CELF4: variants seen among roughly 807,000 people sequenced by gnomAD.
CELF4 encodes CUG-BP- and ETR-3-like factor 4.
Under a neutral mutation model 59.9 loss-of-function variants are expected in CELF4, and 18 were observed. The ratio of observed to expected loss-of-function variants is 0.30; its 90% CI spans 0.21 to 0.45. The LOEUF is 0.45. Among genes scored for constraint, CELF4 ranks in the 20% least tolerant of loss-of-function variants. The pLI, the probability that CELF4 is intolerant of heterozygous loss-of-function variation, is 1.00. For synonymous variants in CELF4, 261 were observed against 267.1 expected, an observed-to-expected ratio of 0.98 and a Z score of 0.22; for missense variants, 456 against 689.0, an observed-to-expected ratio of 0.66 and a Z score of 3.79.
intron 2 of CELF4, among the ~76,000 whole-genome samples, chr18:37,379,031 G>T (rs1296870696): frequency 6.6e-6 from 1 of 152,182 alleles, no homozygotes; most frequent in African/African-American, 2.4e-5. Flanking sequence ...CATGCTGCTG[G>T]CTCTTCCTCA....
chr18:37,493,957 A>G (rs1478684522), intron 1 of CELF4, among the ~76,000 whole-genome samples: 1 of 152,108 alleles, frequency 6.6e-6, no homozygotes, highest in Admixed American at 6.5e-5. Context: ...TGCCCTTTGT[A>G]CCCACAAGAC....
intron 2 of CELF4, among the ~76,000 whole-genome samples, chr18:37,351,730 C>G (rs1316133713): frequency 1.3e-5 from 2 of 151,692 alleles, no homozygotes; most frequent in Non-Finnish European, 2.9e-5. Context: ...CCTGCCTCAG[C>G]CTCTTGAGTA....
intron 2 of CELF4, among the ~76,000 whole-genome samples, chr18:37,448,703 G>A (rs1412483845): frequency 1.3e-5 from 2 of 152,242 alleles, no homozygotes; most frequent in African/African-American, 4.8e-5. Context: ...CCCACTGCCT[G>A]CATGGGTCTG....
intron 3 of CELF4, among the ~76,000 whole-genome samples, chr18:37,317,198 C>T (rs1212074106): frequency 2.0e-5 from 3 of 152,138 alleles, no homozygotes; most frequent in Admixed American, 6.5e-5. Flanking sequence ...ACCAGCCTGG[C>T]CAACATGGTA....
intron 3 of CELF4, among the ~76,000 whole-genome samples, chr18:37,293,949 C>T (rs1171950625): frequency 6.6e-6 from 1 of 152,186 alleles, no homozygotes; most frequent in African/African-American, 2.4e-5. Context: ...AACCAACCAA[C>T]TAGCAAACCA....
At chr18:37,387,527 C>T in intron 2 of CELF4, among the ~76,000 whole-genome samples, 1 of 152,212 alleles carries the variant, frequency 6.6e-6, no homozygotes, top group East Asian at 1.9e-4. Context: ...TCCGGCTTGC[C>T]AGTCTCCACC....
rs184584335 is a variant in CELF4 at position 37,388,039 on chromosome 18, C to T, written c.370-66158G>A. ...ATTGTCCCTGCTTTAATGCCACACT[C>T]GGTGGAAGGCAGGAGTTGGGGGAGG... On this transcript the variant is annotated intron_variant, in intron 2 of 12. Coordinates refer to ENST00000420428, the MANE Select transcript of CELF4 (RefSeq NM_020180.4). 4.1e-3 allele frequency among the ~76,000 whole-genome samples: 613 copies of T among 150,498 alleles called. 3 individuals are homozygous for T. The highest frequency in any genetic ancestry group is 0.014 in the African/African-American group (579 of 40,922).
At chr18:37,349,083 A>T (rs2098376817) in intron 2 of CELF4, among the ~76,000 whole-genome samples, 1 of 152,192 alleles carries the variant, frequency 6.6e-6, no homozygotes, top group Non-Finnish European at 1.5e-5. Context: ...GCCTGGAGAG[A>T]GCCCTGGGAA....
chr18:37,381,410 T>C (rs1002130841), intron 2 of CELF4, among the ~76,000 whole-genome samples: 3 of 152,186 alleles, frequency 2.0e-5, no homozygotes, highest in African/African-American at 7.2e-5. Context: ...CCCCTGGCTC[T>C]GAGTTCTGAA....
intron 1 of CELF4, among the ~76,000 whole-genome samples, chr18:37,500,883 C>T (rs1212867794): frequency 1.3e-5 from 2 of 152,176 alleles, no homozygotes; most frequent in African/African-American, 4.8e-5. Context: ...TGTACCCCAG[C>T]CCCACTGGGG....
chr18:37,550,209 T>C (rs2099982753), intron 1 of CELF4, among the ~76,000 whole-genome samples: 2 of 152,104 alleles, frequency 1.3e-5, no homozygotes, highest in Non-Finnish European at 2.9e-5. Flanking sequence ...TTCCTACTAT[T>C]TATGAAGCCA....
intron 2 of CELF4, among the ~76,000 whole-genome samples, chr18:37,439,432 T>C (rs1044379945): frequency 5.3e-5 from 8 of 152,184 alleles, no homozygotes; most frequent in Non-Finnish European, 8.8e-5. Context: ...TGTGTGTGCA[T>C]GTGTGCGTCT....
intron 2 of CELF4, among the ~76,000 whole-genome samples, chr18:37,394,622 A>G (rs1004011247): frequency 2.0e-5 from 3 of 152,184 alleles, no homozygotes; most frequent in Admixed American, 6.5e-5. Flanking sequence ...ATGTCTTCAT[A>G]AGGCGATGCC....
chr18:37,521,740 C>T (rs146686810), intron 1 of CELF4, among the ~76,000 whole-genome samples: 22 of 152,314 alleles, frequency 1.4e-4, no homozygotes, highest in African/African-American at 2.4e-4. Flanking sequence ...CAGCACTAGG[C>T]GAGCCTTTTG....
chr18:37,450,593 G>A (rs1355748264), intron 2 of CELF4, among the ~76,000 whole-genome samples: 1 of 151,818 alleles, frequency 6.6e-6, no homozygotes, highest in Non-Finnish European at 1.5e-5. Flanking sequence ...TTGCACCCCC[G>A]TTGCCATGGC....
chr18:37,520,142 C>G (rs946358183), intron 1 of CELF4, among the ~76,000 whole-genome samples: 1 of 152,130 alleles, frequency 6.6e-6, no homozygotes, highest in African/African-American at 2.4e-5. Context: ...ACCCCAAGCT[C>G]GGGGCCCCTA....
chr18:37,540,683 G>A (rs183161653), intron 1 of CELF4, among the ~76,000 whole-genome samples: 2 of 152,300 alleles, frequency 1.3e-5, no homozygotes, highest in African/African-American at 4.8e-5. Flanking sequence ...TCCCTGCTGC[G>A]TGGAATGCAA....
chr18:37,270,713 A>T, intron 8 of CELF4, 55 bp downstream of exon 8: 1 of 1,602,678 alleles, frequency 6.2e-7, no homozygotes, highest in Non-Finnish European at 8.5e-7. Flanking sequence ...GGGCAGGGAC[A>T]GCATGGATAA....
intron 2 of CELF4, among the ~76,000 whole-genome samples, chr18:37,407,636 C>T (rs995193264): frequency 2.6e-5 from 4 of 151,626 alleles, no homozygotes; most frequent in Admixed American, 6.6e-5. Context: ...TACATACAAA[C>T]GCACACGTTA....
Sources: gnomAD v4.1 joint callset for allele counts (sites outside exome capture counted in the v4.1 genomes callset) on GRCh38, gnomAD v4.1.1 for gene constraint, MANE v1.5 for transcripts, NCBI Gene and HGNC (gene_info 2026-07-23, HGNC 2026-07-21) for gene names.